The following LAMA1 variants were observed in gnomAD, a reference collection of about 807,000 sequenced individuals.
The protein encoded by LAMA1 is laminin subunit alpha-1.
LAMA1 carries 219 observed loss-of-function variants against 348.7 expected under a neutral mutation model. The ratio of observed to expected loss-of-function variants is 0.63; its 90% CI spans 0.56 to 0.70. The LOEUF is 0.70. Ranked by LOEUF, LAMA1 falls within the 30% of genes least tolerant of loss-of-function variation. LAMA1 has a pLI of 0.00. For missense variants in LAMA1, 3,744 were observed against 3,888.0 expected, an observed-to-expected ratio of 0.96 and a Z score of 0.99; for synonymous variants, 1,487 against 1,491.0, an observed-to-expected ratio of 1.00 and a Z score of 0.06.
At chr18:7,107,792 A>AT (rs2058318905) in intron 1 of LAMA1, among the ~76,000 whole-genome samples, 1 of 151,962 alleles carries the variant, frequency 6.6e-6, no homozygotes, top group African/African-American at 2.4e-5. Context: ...AGGCGGGCAG[A>AT]TCACGAGGTC....
chr18:6,958,663 C>T lies in LAMA1; in HGVS notation c.7779-1G>A, dbSNP rs747537732. ...CTCATCCAATTGGACAGTGATAATT[C>T]TAAAAGACCAATGGAGAAAATAAAT... On this transcript the variant is annotated splice_acceptor_variant, in intron 54 of 62. Coordinates refer to ENST00000389658, the MANE Select transcript of LAMA1 (RefSeq NM_005559.4). LOFTEE classifies it high-confidence loss of function. The T allele has an allele frequency of 2.5e-6, 4 of 1,611,230 alleles. No homozygotes were observed. In the East Asian group the frequency reaches 8.9e-5, roughly 36 times the overall value.
At chr18:6,955,919 C>A (rs1416815963) in intron 56 of LAMA1, 1 of 332,824 alleles carries the variant, frequency 3.0e-6, no homozygotes, top group Non-Finnish European at 5.9e-6. Flanking sequence ...AACCTAGGTC[C>A]ACACTGACAG....
intron 3 of LAMA1, among the ~76,000 whole-genome samples, chr18:7,058,270 G>C (rs1413151386): frequency 6.6e-6 from 1 of 152,142 alleles, no homozygotes; most frequent in Non-Finnish European, 1.5e-5. Context: ...CTTTTATCTT[G>C]ATCAAAGACT....
chr18:7,076,459 TAGAG>T (rs1001728589), intron 3 of LAMA1, among the ~76,000 whole-genome samples: 2 of 152,036 alleles, frequency 1.3e-5, no homozygotes, highest in African/African-American at 4.8e-5. Context: ...GTATAGGAAA[TAGAG>T]AGCACAGAAG....
rs1158128221 is a variant in LAMA1 at position 7,036,015 on chromosome 18, A to C, written c.1811T>G (p.Leu604Arg). 2 of 1,614,014 alleles carry C rather than the reference A, an allele frequency of 1.2e-6. No individual in the cohort carries two copies. Among genetic ancestry groups the C allele is most frequent in the African/African-American group, 1.3e-5 (1 of 74,936 alleles). The stretch of plus-strand genomic sequence containing the variant: ...AATGATGACGTCAGCATGCGACATG[A>C]GGTTACTGTCTACCGTCTCTACCGG... ...DIPVETVDSN[L>R]MSHADVIIKG... The change falls in exon 13 of 63, where the codon CTC (leucine) becomes CGC (arginine). Residue 604 changes from leucine (L) to arginine (R), a missense_variant. By Grantham distance (102) the Leu-to-Arg change is moderately radical. Transcript: ENST00000389658.
chr18:7,105,723 C>T (rs961078335), intron 1 of LAMA1, among the ~76,000 whole-genome samples: 2 of 152,108 alleles, frequency 1.3e-5, no homozygotes, highest in Non-Finnish European at 2.9e-5. Flanking sequence ...TGGATGAATT[C>T]GTTAAAGAAT....
rs571702661 is a variant in LAMA1 at position 7,058,851 on chromosome 18, T to C, written c.346-7915A>G. 2.6e-5 allele frequency among the ~76,000 whole-genome samples: 4 copies of C among 152,322 alleles called. No individual in the cohort carries two copies. The South Asian group carries it at 8.3e-4, about 32-fold the overall frequency. ...TGTGTTGACAAATTGGTCTTATATG[T>C]AATGTAGAAAAACTGAAGGACTGTC... is the stretch of plus-strand genomic sequence containing the variant. On this transcript the variant is annotated intron_variant, in intron 3 of 62. Coordinates refer to ENST00000389658, the MANE Select transcript of LAMA1 (RefSeq NM_005559.4).
intron 1 of LAMA1, among the ~76,000 whole-genome samples, chr18:7,102,875 G>A (rs2058296998): frequency 6.6e-6 from 1 of 152,182 alleles, no homozygotes; most frequent in Admixed American, 6.5e-5. Flanking sequence ...TTTTAAGGCT[G>A]AATGGAATAT....
chr18:7,012,098 C>T lies in LAMA1; in HGVS notation c.3404G>A (p.Gly1135Asp), dbSNP rs769251647. 9 of 1,613,624 alleles carry T rather than the reference C, an allele frequency of 5.6e-6. No homozygotes were observed. In the South Asian group the frequency reaches 7.7e-5, roughly 14 times the overall value. The change falls in exon 24 of 63, where the codon GGC becomes GAC. Residue 1135 changes from glycine to aspartate, a missense_variant. Gly to Asp is a moderately conservative substitution (Grantham distance 94). Transcript: ENST00000389658. ...FGPQCNECRE[G>D]TFALRADNPL... ...GTTGTCTGCGCGGAGAGCGAAGGTG[C>T]CCTCTCGACATTCGTTGCACTGAGG...
chr18:7,011,404 A>G lies in LAMA1; in HGVS notation c.3583T>C (p.Tyr1195His). The G allele has an allele frequency of 1.2e-6, 2 of 1,610,276 alleles. No homozygotes were observed. The highest frequency in any genetic ancestry group is 1.7e-6 in the Non-Finnish European group (2 of 1,178,566). ...SNLRGTTEGV[Y>H]YQAPDFLLDA... ...AGCAGGAAGTCGGGGGCCTGGTAGT[A>G]AACCCCCTCGGTCGTGCCCCTCAAG... Residue 1195 changes from tyrosine (Y) to histidine (H), a missense_variant, in exon 25 of 63, where the codon TAC becomes CAC. By Grantham distance (83) the Tyr-to-His change is moderately conservative. Around this residue, in one of 3 missense-constraint regions of LAMA1, gnomAD observed 1,529 missense variants for 1,689.4 expected, o/e 0.91. Transcript: ENST00000389658.
At position 6,978,339 on chromosome 18, in the gene LAMA1, GT is replaced by G; in HGVS notation, c.6046del (p.Thr2016ArgfsTer8). 1 of 1,614,198 alleles carries G rather than the reference GT, an allele frequency of 6.2e-7. No individual in the cohort carries two copies. The highest frequency in any genetic ancestry group is 1.3e-5 in the African/African-American group (1 of 75,058). On this transcript the variant is annotated frameshift_variant, in exon 43 of 63. Transcript: ENST00000389658. LOFTEE classifies it high-confidence loss of function. ...DKGAKTKELA[T>X]SASQSAVSTL... ...GCTCACCGCGCTCTGGCTTGCAGACGTGGCCAGCTCTTTGGTTTTGGCTCCC... is the reference window on the plus strand; with the variant it reads ...GCTCACCGCGCTCTGGCTTGCAGACGGGCCAGCTCTTTGGTTTTGGCTCCC...
intron 1 of LAMA1, among the ~76,000 whole-genome samples, chr18:7,105,486 A>T (rs2058308551): frequency 6.7e-6 from 1 of 149,242 alleles, no homozygotes; most frequent in Non-Finnish European, 1.5e-5. Flanking sequence ...ATAAACAAAC[A>T]AGAGCAGAAG....
chr18:6,952,753 C>T (rs1005445629), intron 57 of LAMA1, among the ~76,000 whole-genome samples: 6 of 152,136 alleles, frequency 3.9e-5, no homozygotes, highest in Admixed American at 6.5e-5. Context: ...AGTGGATTCA[C>T]GCCATGGGAG....
Position 6,971,995 on chromosome 18 carries a change from G to A in LAMA1, c.6775-14C>T, listed in dbSNP as rs2057660784. 6 of 1,613,274 alleles carry A rather than the reference G, an allele frequency of 3.7e-6. No individual in the cohort carries two copies. Among genetic ancestry groups the A allele is most frequent in the Non-Finnish European group, 4.2e-6 (5 of 1,179,912 alleles). ...AGCAGGAGATTTCTAATGCAAACAA[G>A]CAAACAAACATAACCAATATATAAG... On this transcript the variant is annotated splice_polypyrimidine_tract_variant and intron_variant, in intron 47 of 62. Coordinates refer to ENST00000389658, the MANE Select transcript of LAMA1 (RefSeq NM_005559.4).
At chr18:6,946,926 T>C (rs898849247) in intron 61 of LAMA1, among the ~76,000 whole-genome samples, 6 of 152,198 alleles carry the variant, frequency 3.9e-5, no homozygotes, top group African/African-American at 1.4e-4. Flanking sequence ...TTCTTTGTAT[T>C]ATAGTTGTAA....
At chr18:7,099,326 ACTGCGGAAGGCCGCAGGGTC>A (rs1355988845) in intron 1 of LAMA1, among the ~76,000 whole-genome samples, 2 of 151,640 alleles carry the variant, frequency 1.3e-5, no homozygotes, top group African/African-American at 4.8e-5. Context: ...GGACACAAAC[ACTGCGGAAGGCCGCAGGGTC>A]CTCTGCCTAG....
At chr18:6,961,809 A>G in intron 52 of LAMA1, 50 bp from the exon 53 acceptor site, 1 of 1,607,572 alleles carries the variant, frequency 6.2e-7, no homozygotes, top group Non-Finnish European at 8.5e-7. Context: ...GCTGCGGCCA[A>G]ACCTTCCGTG....
intron 13 of LAMA1, among the ~76,000 whole-genome samples, chr18:7,035,282 A>G (rs2057989267): frequency 6.6e-6 from 1 of 152,162 alleles, no homozygotes; most frequent in South Asian, 2.1e-4. Context: ...GAGGCTGAGG[A>G]CAAGTATGGC....
At chr18:6,999,839 G>A in intron 31 of LAMA1, 72 bp downstream of exon 31, 1 of 1,408,162 alleles carries the variant, frequency 7.1e-7, no homozygotes, top group Non-Finnish European at 1.0e-6. Context: ...GATTACTATA[G>A]TAAATATGCC....
Sources: gnomAD v4.1 joint callset for allele counts (sites outside exome capture counted in the v4.1 genomes callset) on GRCh38, gnomAD v4.1.1 for gene constraint, gnomAD v4.1.1 regional missense constraint, MANE v1.5 for transcripts, NCBI Gene and HGNC (gene_info 2026-07-23, HGNC 2026-07-21) for gene names.